Variants in GALNT13 observed in about 807,000 individuals in gnomAD.
The protein encoded by GALNT13 is polypeptide N-acetylgalactosaminyltransferase 13.
GALNT13 carries 28 observed loss-of-function variants against 64.2 expected under a neutral mutation model. The observed-to-expected ratio is 0.44, with a 90% CI of 0.32 to 0.60. The LOEUF is 0.60. Ranked by LOEUF, GALNT13 falls within the 20% of genes least tolerant of loss-of-function variation. The pLI is 0.05. For synonymous variants in GALNT13, 214 were observed against 224.6 expected, an observed-to-expected ratio of 0.95 and a Z score of 0.42; for missense variants, 577 against 669.8, an observed-to-expected ratio of 0.86 and a Z score of 1.53.
the GALNT13 span, among the ~76,000 whole-genome samples, chr2:153,254,136 C>A: frequency 1.3e-5 from 2 of 152,136 alleles, no homozygotes; most frequent in Admixed American, 6.5e-5. Flanking sequence ...ATTATTGCCA[C>A]AATTTCAGAT....
chr2:153,563,867 G>A, the GALNT13 span, among the ~76,000 whole-genome samples: 1 of 151,898 alleles, frequency 6.6e-6, no homozygotes, highest in African/African-American at 2.4e-5. Context: ...ATTTTCCCTA[G>A]TAGGTCCTCA....
chr2:153,996,925 G>A (rs1466633235), intron 3 of GALNT13, among the ~76,000 whole-genome samples: 1 of 151,970 alleles, frequency 6.6e-6, no homozygotes, highest in Admixed American at 6.6e-5. Context: ...TTAATTGAAT[G>A]GACTGTCCTT....
the GALNT13 span, among the ~76,000 whole-genome samples, chr2:153,770,573 T>C: frequency 2.6e-5 from 4 of 152,332 alleles, no homozygotes; most frequent in South Asian, 4.1e-4. Context: ...TGCTCATGGG[T>C]AAGAGCCAGA....
the GALNT13 span, among the ~76,000 whole-genome samples, chr2:153,099,401 A>G: frequency 1.3e-5 from 2 of 152,192 alleles, no homozygotes; most frequent in South Asian, 4.1e-4. Flanking sequence ...AGCTACACAT[A>G]ACTCAAATGT....
chr2:154,039,857 G>T (rs1698879113), intron 3 of GALNT13, among the ~76,000 whole-genome samples: 1 of 140,210 alleles, frequency 7.1e-6, no homozygotes, highest in African/African-American at 2.4e-5. Context: ...TTGTATACAT[G>T]TATAGGGATA....
intron 3 of GALNT13, among the ~76,000 whole-genome samples, chr2:154,032,813 C>G (rs1309602756): frequency 1.3e-5 from 2 of 149,880 alleles, no homozygotes; most frequent in African/African-American, 4.9e-5. Flanking sequence ...TAGTGGAAAG[C>G]TCAGTGCTTT....
At chr2:153,675,830 A>G in the GALNT13 span, among the ~76,000 whole-genome samples, 5 of 152,184 alleles carry the variant, frequency 3.3e-5, no homozygotes, top group Admixed American at 1.3e-4. Context: ...AATCAAAGAT[A>G]CAACTTACCA....
intron 3 of GALNT13, among the ~76,000 whole-genome samples, chr2:154,123,778 CTG>C (rs1682096827): frequency 6.6e-6 from 1 of 151,898 alleles, no homozygotes; most frequent in South Asian, 2.1e-4. Flanking sequence ...GCACAAAAGG[CTG>C]TATAATTCTA....
the GALNT13 span, among the ~76,000 whole-genome samples, chr2:153,680,092 C>T: frequency 6.6e-6 from 1 of 151,750 alleles, no homozygotes; most frequent in East Asian, 1.9e-4. Flanking sequence ...CAACATGCTT[C>T]ATCTTCCGTT....
In GALNT13 at chr2:154,129,651, G is replaced by A. The variant is rs191800733; in HGVS notation, c.143-10686G>A. Among the ~76,000 whole-genome samples, 69 of 151,810 alleles carry A rather than the reference G, an allele frequency of 4.5e-4. 1 individual carries two copies. In the South Asian group the frequency reaches 0.012, roughly 27 times the overall value. On this transcript the variant is annotated intron_variant, in intron 3 of 12. Transcript: ENST00000392825. ...TATCCTTATATATTATATATAATAC[G>A]TAAAGATACACATCATCTTTATATT...
At chr2:153,374,846 T>A in the GALNT13 span, among the ~76,000 whole-genome samples, 234 of 152,326 alleles carry the variant, frequency 1.5e-3, 2 homozygotes, top group African/African-American at 5.3e-3. Flanking sequence ...CAGTAATTGC[T>A]TTTTCCCTCA....
the GALNT13 span, among the ~76,000 whole-genome samples, chr2:153,405,432 C>T: frequency 0.015 from 2,339 of 152,290 alleles, 175 homozygotes; most frequent in Admixed American, 0.13. Context: ...CCATAGGTAA[C>T]CTATAACACT....
the GALNT13 span, among the ~76,000 whole-genome samples, chr2:153,401,748 C>A: frequency 6.8e-6 from 1 of 148,028 alleles, no homozygotes; most frequent in African/African-American, 2.5e-5. Flanking sequence ...AGGATTGCAA[C>A]CCCTGCCTTT....
chr2:153,550,746 G>A, the GALNT13 span, among the ~76,000 whole-genome samples: 1 of 152,126 alleles, frequency 6.6e-6, no homozygotes, highest in African/African-American at 2.4e-5. Flanking sequence ...GTGACAATTA[G>A]CATTGTATTT....
At chr2:154,155,935 A>G (rs1684390369) in intron 4 of GALNT13, among the ~76,000 whole-genome samples, 1 of 151,838 alleles carries the variant, frequency 6.6e-6, no homozygotes, top group Non-Finnish European at 1.5e-5. Context: ...GGACAAATAT[A>G]TTTTCTACAT....
the GALNT13 span, among the ~76,000 whole-genome samples, chr2:153,242,709 C>A: frequency 8.5e-5 from 13 of 152,230 alleles, no homozygotes; most frequent in African/African-American, 3.1e-4. Context: ...AAAAGTGTTT[C>A]TTCTCAGTCA....
the GALNT13 span, among the ~76,000 whole-genome samples, chr2:153,751,398 G>A: frequency 1.3e-5 from 2 of 151,442 alleles, no homozygotes; most frequent in African/African-American, 2.4e-5. Context: ...GTTCTGTTTG[G>A]AAGATCTATC....
At chr2:154,100,415 A>G (rs1702287024) in intron 3 of GALNT13, among the ~76,000 whole-genome samples, 1 of 152,098 alleles carries the variant, frequency 6.6e-6, no homozygotes, top group Non-Finnish European at 1.5e-5. Context: ...TGTAGAGATT[A>G]TTCACTTCCT....
chr2:154,224,861 G>T (rs1303355233), intron 4 of GALNT13, among the ~76,000 whole-genome samples: 2 of 152,074 alleles, frequency 1.3e-5, no homozygotes, highest in African/African-American at 4.8e-5. Context: ...TACTGCACAT[G>T]CAACAGAAGA....
Sources: allele counts gnomAD v4.1 joint callset (sites outside exome capture counted in the v4.1 genomes callset), GRCh38; gene constraint gnomAD v4.1.1; transcripts MANE v1.5; gene names NCBI Gene and HGNC (gene_info 2026-07-23, HGNC 2026-07-21).